HS1BP3: variants seen among roughly 807,000 people sequenced by gnomAD.
The protein encoded by HS1BP3 is HCLS1-binding protein 3.
HS1BP3 carries 32 observed loss-of-function variants against 33.5 expected under a neutral mutation model. The observed-to-expected ratio is 0.95, with a 90% CI of 0.72 to 1.28. HS1BP3 has a LOEUF of 1.28. Among genes scored for constraint, HS1BP3 ranks in the 50% most tolerant of loss-of-function variants. The pLI is 0.00. For missense variants in HS1BP3, 486 were observed against 502.3 expected, an observed-to-expected ratio of 0.97 and a Z score of 0.31; for synonymous variants, 187 against 209.2, an observed-to-expected ratio of 0.89 and a Z score of 0.92.
intron 5 of HS1BP3, among the ~76,000 whole-genome samples, chr2:20,575,019 A>C (rs1055564056): frequency 1.4e-4 from 22 of 152,240 alleles, no homozygotes; most frequent in African/African-American, 5.3e-4. Context: ...GGTTGTTATT[A>C]CTGGCGTAAA....
chr2:20,619,304 G>T, intron 6 of HS1BP3, 59 bp from the exon 7 acceptor site: 1 of 1,422,016 alleles, frequency 7.0e-7, no homozygotes, highest in Non-Finnish European at 9.5e-7. Context: ...ACAGGAACAA[G>T]ACCCCAGGCA....
At chr2:20,567,517 A>T (rs1693163383) in intron 5 of HS1BP3, among the ~76,000 whole-genome samples, 1 of 114,236 alleles carries the variant, frequency 8.8e-6, no homozygotes, top group Non-Finnish European at 1.8e-5. Flanking sequence ...TGAGGAAGGC[A>T]TGTGGTGCTG....
downstream of HS1BP3, among the ~76,000 whole-genome samples, chr2:20,613,242 A>T (rs1694350015): frequency 6.6e-6 from 1 of 152,266 alleles, no homozygotes; most frequent in Admixed American, 6.5e-5. Context: ...TGGAGACGTC[A>T]AGGGCGATCT....
At chr2:20,603,067 C>T (rs1694103804) in intron 2 of HS1BP3, among the ~76,000 whole-genome samples, 1 of 152,146 alleles carries the variant, frequency 6.6e-6, no homozygotes, top group South Asian at 2.1e-4. Context: ...ATTAAAAAGA[C>T]AGATATTAAC....
rs1405391308 is a variant in HS1BP3, at chr2:20,641,050, G to A, written c.329C>T (p.Ala110Val). Reference protein sequence around the residue: ...VGESDIRERRAVFNEILRCVS... With the variant: ...VGESDIRERRVVFNEILRCVS... ...ACAGCGCAGGATCTCATTGAACACG[G>A]CTCTCCTCTCCCGGATGTCAGACTC... Residue 110 changes from alanine to valine, a missense_variant, in exon 3 of 7, where the codon GCC (alanine) becomes GTC (valine). Coordinates refer to ENST00000304031, the MANE Select transcript of HS1BP3 (RefSeq NM_022460.4). 3.7e-6 allele frequency: 6 copies of A among 1,614,126 alleles called. No homozygotes were observed. The highest frequency in any genetic ancestry group is 1.7e-6 in the Non-Finnish European group (2 of 1,180,020).
At chr2:20,628,610 G>A (rs546501241) in intron 4 of HS1BP3, among the ~76,000 whole-genome samples, 2 of 150,994 alleles carry the variant, frequency 1.3e-5, no homozygotes, top group South Asian at 4.3e-4. Context: ...ACTCCAGCCT[G>A]GGTGACAAAG....
At chr2:20,650,988 C>G in intron 1 of HS1BP3, 44 bp downstream of exon 1, 5 of 1,231,598 alleles carry the variant, frequency 4.1e-6, no homozygotes, top group Admixed American at 4.2e-5. Context: ...CCGGGCGCCC[C>G]GGACTGCGAG....
downstream of HS1BP3, among the ~76,000 whole-genome samples, chr2:20,590,159 A>AT (rs1355356624): frequency 2.0e-5 from 3 of 152,058 alleles, no homozygotes; most frequent in Non-Finnish European, 4.4e-5. Context: ...AGCTGGGGGC[A>AT]TTTGGCCCTG....
At position 20,574,063 on chromosome 2, in the gene HS1BP3, C is replaced by T. The variant is rs1693341023; in HGVS notation, c.303-13548G>A. Among the ~76,000 whole-genome samples the T allele has an allele frequency of 2.0e-5, 3 of 152,196 alleles. No homozygotes were observed. The South Asian group carries it at 6.2e-4, about 32-fold the overall frequency. Reference sequence around the variant, plus strand: ...CCTGTGTGGGTTGCCCTCAAAAACCCAGGGAAGTGTCATGTTCACAGCAGG... The same window carrying T: ...CCTGTGTGGGTTGCCCTCAAAAACCTAGGGAAGTGTCATGTTCACAGCAGG... On this transcript the variant is annotated intron_variant, in intron 5 of 5. Transcript: ENST00000446825.
At chr2:20,583,816 G>A (rs951623087) in intron 5 of HS1BP3, among the ~76,000 whole-genome samples, 1 of 152,196 alleles carries the variant, frequency 6.6e-6, no homozygotes, top group Non-Finnish European at 1.5e-5. Context: ...AGTGGACCGT[G>A]CTGTCAGGGT....
At chr2:20,613,067 G>T (rs908199624), downstream of HS1BP3, among the ~76,000 whole-genome samples, 2 of 152,178 alleles carry the variant, frequency 1.3e-5, no homozygotes, top group African/African-American at 4.8e-5. Context: ...ACTGAGTCAA[G>T]CTCAGCCTCT....
intron 6 of HS1BP3, among the ~76,000 whole-genome samples, chr2:20,621,423 C>A (rs1694598006): frequency 6.6e-6 from 1 of 152,272 alleles, no homozygotes; most frequent in South Asian, 2.1e-4. Context: ...CTGGCCCAAG[C>A]CGGGCCTTCA....
intron 5 of HS1BP3, among the ~76,000 whole-genome samples, chr2:20,574,696 C>T (rs1450117424): frequency 6.6e-6 from 1 of 152,172 alleles, no homozygotes; most frequent in Admixed American, 6.5e-5. Context: ...ACCTGGCTTC[C>T]CCCAGCAGCA....
intron 4 of HS1BP3, chr2:20,636,944 A>C (rs1695150509): frequency 6.6e-6 from 1 of 152,118 alleles, no homozygotes; most frequent in African/African-American, 2.4e-5. Context: ...GGAGGGTCTT[A>C]AGCCGGCAGG....
intron 2 of HS1BP3, among the ~76,000 whole-genome samples, chr2:20,599,011 T>G (rs1572322370): frequency 6.7e-6 from 1 of 150,170 alleles, no homozygotes; most frequent in Non-Finnish European, 1.5e-5. Flanking sequence ...CAGTGGGGAG[T>G]GGGGGGAATG....
downstream of HS1BP3, among the ~76,000 whole-genome samples, chr2:20,588,411 G>A (rs1347531655): frequency 6.6e-6 from 1 of 152,164 alleles, no homozygotes; most frequent in Non-Finnish European, 1.5e-5. Context: ...TCGCCTCCTG[G>A]GTTCAAGCGA....
downstream of HS1BP3, among the ~76,000 whole-genome samples, chr2:20,614,500 G>A (rs1694378715): frequency 1.3e-5 from 2 of 152,242 alleles, no homozygotes; most frequent in African/African-American, 4.8e-5. Flanking sequence ...GAGAACAGAA[G>A]TGAAACTAGA....
chr2:20,639,510 T>C (rs1695271212), intron 3 of HS1BP3, among the ~76,000 whole-genome samples: 1 of 152,234 alleles, frequency 6.6e-6, no homozygotes, highest in African/African-American at 2.4e-5. Context: ...AACTGACTTT[T>C]AATAAAATCA....
intron 5 of HS1BP3, among the ~76,000 whole-genome samples, chr2:20,571,197 G>A (rs941570497): frequency 2.0e-5 from 3 of 152,178 alleles, no homozygotes; most frequent in Admixed American, 6.5e-5. Flanking sequence ...GTTCCTTGAC[G>A]GTACCCCAGC....
Sources: gnomAD v4.1 joint callset for allele counts (sites outside exome capture counted in the v4.1 genomes callset) on GRCh38, gnomAD v4.1.1 for gene constraint, MANE v1.5 for transcripts, NCBI Gene and HGNC (gene_info 2026-07-23, HGNC 2026-07-21) for gene names.